PCNX1: variants seen among roughly 807,000 people sequenced by gnomAD.
PCNX1 encodes the protein pecanex 1.
A neutral mutation model predicts 242.2 loss-of-function variants in PCNX1; 78 were observed. The ratio of observed to expected loss-of-function variants is 0.32; its 90% confidence interval spans 0.27 to 0.39. The LOEUF is 0.39. PCNX1 is among the 10% of genes least tolerant of loss of function. PCNX1 has a pLI of 1.00. For synonymous variants in PCNX1, 1,024 were observed against 1,032.9 expected, an observed-to-expected ratio of 0.99 and a Z score of 0.17; for missense variants, 2,581 against 2,856.5, an observed-to-expected ratio of 0.90 and a Z score of 2.20.
Position 71,088,321 on chromosome 14 carries a change from T to C in PCNX1, c.5338-9T>C, listed in dbSNP as rs1310775441. 2 of 1,574,930 alleles carry C rather than the reference T, an allele frequency of 1.3e-6. No individual in the cohort carries two copies. The highest frequency in any genetic ancestry group is 1.7e-6 in the Non-Finnish European group (2 of 1,146,554). ...TTTCTGATAACTAATGTTTTTTGTT[T>C]TTTTAAAGCCTGTGGATGTGGACAA... On this transcript the variant is annotated splice_polypyrimidine_tract_variant and intron_variant, in intron 28 of 35. Coordinates refer to ENST00000304743, the MANE Select transcript of PCNX1 (RefSeq NM_014982.3).
rs745762840 is a variant in PCNX1, at chr14:70,977,956, G to A, written c.1619G>A (p.Gly540Glu). The A allele has an allele frequency of 1.9e-6, 3 of 1,614,104 alleles. No individual in the cohort carries two copies. In the East Asian group the frequency reaches 6.7e-5, roughly 36 times the overall value. Reference sequence around the variant, plus strand: ...GATGTTGGTGGAAAGCAAAAGGAAGGGGATGTTCGACCTAAATCTTCTAGC... The same window carrying A: ...GATGTTGGTGGAAAGCAAAAGGAAGAGGATGTTCGACCTAAATCTTCTAGC... ...RKDVGGKQKE[G>E]DVRPKSSSVI... The change falls in exon 6 of 36, where the codon GGG (glycine) becomes GAG (glutamate). Residue 540 changes from glycine (G) to glutamate (E), a missense_variant. Around this residue, in one of 9 missense-constraint regions of PCNX1, gnomAD observed 1,204 missense variants for 1,216.7 expected, o/e 0.99. Coordinates refer to ENST00000304743, the MANE Select transcript of PCNX1 (RefSeq NM_014982.3).
At chr14:70,932,139 C>G (rs2056824520) in intron 1 of PCNX1, among the ~76,000 whole-genome samples, 1 of 152,078 alleles carries the variant, frequency 6.6e-6, no homozygotes, top group African/African-American at 2.4e-5. Flanking sequence ...AAAACAAAAA[C>G]AAAAAGAATA....
chr14:71,013,331 T>A, intron 11 of PCNX1, 129 bp downstream of exon 11: 1 of 777,978 alleles, frequency 1.3e-6, no homozygotes, highest in South Asian at 1.4e-5. Flanking sequence ...GTCCTCTGGA[T>A]ATAAAACTTA....
chr14:71,086,946 A>G (rs1323170958), intron 28 of PCNX1, among the ~76,000 whole-genome samples: 1 of 152,152 alleles, frequency 6.6e-6, no homozygotes, highest in Non-Finnish European at 1.5e-5. Context: ...TAGGGGGGTA[A>G]ATATGGTCTC....
chr14:70,967,099 T>C (rs930563466), intron 3 of PCNX1, among the ~76,000 whole-genome samples: 2 of 152,218 alleles, frequency 1.3e-5, no homozygotes, highest in African/African-American at 4.8e-5. Context: ...TATTTACTTT[T>C]TCACTGGCAT....
At chr14:71,062,470 T>A (rs1196950016) in intron 26 of PCNX1, among the ~76,000 whole-genome samples, 3 of 151,776 alleles carry the variant, frequency 2.0e-5, no homozygotes, top group Non-Finnish European at 4.4e-5. Context: ...TTAAAATGTT[T>A]AAAAAATTTT....
intron 1 of PCNX1, among the ~76,000 whole-genome samples, chr14:70,915,700 A>G (rs1035301874): frequency 6.6e-6 from 1 of 152,218 alleles, no homozygotes; most frequent in African/African-American, 2.4e-5. Flanking sequence ...TTGTAGTTAA[A>G]TATTTGTACT....
chr14:71,103,163 T>C (rs1196071529), intron 31 of PCNX1, among the ~76,000 whole-genome samples: 1 of 152,258 alleles, frequency 6.6e-6, no homozygotes, highest in East Asian at 1.9e-4. Context: ...CTTGATACTT[T>C]AAATACAGAG....
intron 2 of PCNX1, among the ~76,000 whole-genome samples, chr14:70,954,830 T>C (rs188689418): frequency 1.3e-5 from 2 of 152,224 alleles, no homozygotes; most frequent in Non-Finnish European, 2.9e-5. Flanking sequence ...TTTTTTCTAA[T>C]CTTTAATATT....
intron 3 of PCNX1, among the ~76,000 whole-genome samples, chr14:70,967,945 G>T (rs1341447525): frequency 1.3e-5 from 2 of 152,118 alleles, no homozygotes; most frequent in Non-Finnish European, 2.9e-5. Flanking sequence ...CTCTGGGGGG[G>T]CTCCGTCAGT....
intron 26 of PCNX1, among the ~76,000 whole-genome samples, chr14:71,063,233 A>G (rs535980493): frequency 6.6e-6 from 1 of 152,276 alleles, no homozygotes; most frequent in East Asian, 1.9e-4. Flanking sequence ...AGAGCCATAC[A>G]CATTCTCTGT....
Position 71,001,856 on chromosome 14 carries a change from A to G in PCNX1, c.2629+5931A>G, listed in dbSNP as rs578211425. Among the ~76,000 whole-genome samples the G allele has an allele frequency of 5.9e-5, 9 of 152,338 alleles. No homozygotes were observed. In the East Asian group the frequency reaches 1.7e-3, roughly 29 times the overall value. On this transcript the variant is annotated intron_variant, in intron 8 of 35. Coordinates refer to ENST00000304743, the MANE Select transcript of PCNX1 (RefSeq NM_014982.3). ...TGATGGATGAATGATGTTATCTTTC[A>G]CATGTGGCTTTCTTGCCTTGTCCTA... is the stretch of plus-strand genomic sequence containing the variant.
intron 1 of PCNX1, among the ~76,000 whole-genome samples, chr14:70,941,935 G>T (rs138083589): frequency 6.6e-6 from 1 of 152,238 alleles, no homozygotes; most frequent in Non-Finnish European, 1.5e-5. Flanking sequence ...CGAACAAGGC[G>T]TGGGATATAA....
chr14:70,910,064 C>CCT (rs2055778269), intron 1 of PCNX1, among the ~76,000 whole-genome samples: 1 of 2,772 alleles, frequency 3.6e-4, no homozygotes, highest in Admixed American at 4.1e-3. Flanking sequence ...CTCCTCCTCC[C>CCT]CCTCCTCCTC....
At chr14:71,030,466 CCT>C (rs372189846) in intron 16 of PCNX1, among the ~76,000 whole-genome samples, 1 of 152,100 alleles carries the variant, frequency 6.6e-6, no homozygotes, top group African/African-American at 2.4e-5. Flanking sequence ...TGTCTGGCCA[CCT>C]CTAGGGTTTC....
In PCNX1 at chr14:71,047,907, T is replaced by A. The variant is rs1320452838; in HGVS notation, c.4261T>A (p.Phe1421Ile). The A allele has an allele frequency of 6.2e-7, 1 of 1,613,226 alleles. No homozygotes were observed. Among genetic ancestry groups the A allele is most frequent in the Admixed American group, 1.7e-5 (1 of 59,986 alleles). Residue 1421 changes from phenylalanine to isoleucine, a missense_variant, in exon 22 of 36, where the codon TTT becomes ATT. By Grantham distance (21) the Phe-to-Ile change is conservative. Transcript: ENST00000304743. The part of the protein sequence containing the change: ...QYVTVIFTVL[F>I]FKFDYEAFSE... ...TGTTACAGTCATCTTTACTGTGCTG[T>A]TTTTCAAATTTGACTATGAAGCTTT... is the stretch of plus-strand genomic sequence containing the variant.
intron 19 of PCNX1, among the ~76,000 whole-genome samples, chr14:71,039,433 A>G (rs2073417394): frequency 1.3e-5 from 2 of 152,084 alleles, no homozygotes; most frequent in South Asian, 4.1e-4. Context: ...TCCTCACCAT[A>G]GGCTGCCTAA....
At chr14:71,033,563 A>G in intron 17 of PCNX1, 25 bp downstream of exon 17, 1 of 1,204,954 alleles carries the variant, frequency 8.3e-7, no homozygotes, top group Non-Finnish European at 1.2e-6. Flanking sequence ...TTGTTATTGA[A>G]TTAAAAGAAA....
chr14:70,946,750 T>A, intron 1 of PCNX1, 165 bp from the exon 2 acceptor site: 1 of 583,810 alleles, frequency 1.7e-6, no homozygotes, highest in Non-Finnish European at 3.0e-6. Context: ...GTAGCTAGTG[T>A]CTTTTGCATT....
Sources: allele counts gnomAD v4.1 joint callset (sites outside exome capture counted in the v4.1 genomes callset), GRCh38; gene constraint gnomAD v4.1.1; regional missense constraint gnomAD v4.1.1; transcripts MANE v1.5; gene names NCBI Gene and HGNC (gene_info 2026-07-23, HGNC 2026-07-21).